The following BOP1 variants were observed in gnomAD, a reference collection of about 807,000 sequenced individuals.
BOP1 encodes the protein ribosome biogenesis protein BOP1.
In BOP1, 54 loss-of-function variants were observed where a neutral mutation model predicts 82.9. The ratio of observed to expected loss-of-function variants is 0.65; its 90% confidence interval spans 0.52 to 0.82. The LOEUF (loss-of-function observed/expected upper bound fraction) is 0.82. BOP1 is among the 40% of genes least tolerant of loss of function. The pLI is 0.00. For synonymous variants in BOP1, 566 were observed against 451.1 expected (o/e 1.25, Z -3.23); for missense variants, 1,170 against 1,072.0 (o/e 1.09, Z -1.28).
At chr8:144,283,878 G>A (rs1396644796) in intron 2 of BOP1, among the ~76,000 whole-genome samples, 10 of 152,160 alleles carry the variant, frequency 6.6e-5, no homozygotes, top group Non-Finnish European at 1.2e-4. Context: ...AGCACTTCAG[G>A]AGGCCAAGAC....
intron 2 of BOP1, among the ~76,000 whole-genome samples, 163 bp downstream of exon 2, chr8:144,288,932 C>T (rs974707518): frequency 1.3e-5 from 2 of 152,238 alleles, no homozygotes; most frequent in African/African-American, 4.8e-5. Flanking sequence ...GGGATGGAAA[C>T]CAGCGTCCTA....
chr8:144,282,902 A>G (rs1447182024), intron 2 of BOP1, among the ~76,000 whole-genome samples: 17 of 152,086 alleles, frequency 1.1e-4, no homozygotes, highest in African/African-American at 3.9e-4. Context: ...GAAAGGCACT[A>G]TGGTGGCCAG....
chr8:144,267,873 G>A (rs1218669842), intron 3 of BOP1, among the ~76,000 whole-genome samples: 1 of 152,234 alleles, frequency 6.6e-6, no homozygotes, highest in Non-Finnish European at 1.5e-5. Flanking sequence ...TTCCTCTCCA[G>A]ACAGCACGCG....
At chr8:144,268,140 T>C in intron 3 of BOP1, 1 of 1,551,402 alleles carries the variant, frequency 6.4e-7, no homozygotes, top group East Asian at 2.4e-5. Context: ...GATTCGCAGT[T>C]AGGAGGTGGC....
In BOP1 at chr8:144,263,117, C is replaced by G; in HGVS notation, c.1630G>C (p.Gly544Arg). 6.3e-7 allele frequency: 1 copy of G among 1,593,610 alleles called. No individual in the cohort carries two copies. Among genetic ancestry groups the G allele is most frequent in the Non-Finnish European group, 8.5e-7 (1 of 1,178,762 alleles). The change falls in exon 13 of 16, where the codon GGG (glycine) becomes CGG (arginine). Residue 544 changes from glycine (G) to arginine (R), a missense_variant. By Grantham distance (125) the Gly-to-Arg change is moderately radical (BLOSUM62 -2). Coordinates refer to ENST00000569669, the MANE Select transcript of BOP1 (RefSeq NM_015201.5). ...GKPVTQVTWHGRGDYLAVVLA... is the reference protein window; with the variant it reads ...GKPVTQVTWHRRGDYLAVVLA... ...ACCACGGCCAGGTAGTCCCCACGCCCGTGCCAGGTCACCTGCGTCACTGGC... is the reference window on the plus strand; with the variant it reads ...ACCACGGCCAGGTAGTCCCCACGCCGGTGCCAGGTCACCTGCGTCACTGGC...
intron 3 of BOP1, among the ~76,000 whole-genome samples, chr8:144,267,603 A>G (rs1224156733): frequency 6.6e-6 from 1 of 152,232 alleles, no homozygotes; most frequent in East Asian, 1.9e-4. Flanking sequence ...GCGGCCCAGC[A>G]CTGGCTTAAG....
rs1218596271 is a variant in BOP1, at chr8:144,263,039, G to A, written c.1708C>T (p.Arg570Cys). Residue 570 changes from arginine (R) to cysteine (C), a missense_variant, in exon 13 of 16, where the codon CGC becomes TGC. Physicochemically the swap from Arg to Cys is radical, Grantham distance 180. Coordinates refer to ENST00000569669, the MANE Select transcript of BOP1 (RefSeq NM_015201.5). ...QVLIHQLSRR[R>C]SQSPFRRSHG... ...CTGCGGCGGAACGGACTCTGGCTGCGGCGACGGCTCAGCTGGTGAATCAGC... is the reference window on the plus strand; with the variant it reads ...CTGCGGCGGAACGGACTCTGGCTGCAGCGACGGCTCAGCTGGTGAATCAGC... 1.9e-5 allele frequency: 30 copies of A among 1,572,614 alleles called. No individual in the cohort carries two copies. The highest frequency in any genetic ancestry group is 5.7e-5 in the South Asian group (5 of 87,608).
rs1035892665 is a variant in BOP1 at position 144,263,844 on chromosome 8, G to A, written c.1208C>T (p.Thr403Met). The change falls in exon 9 of 16, where the codon ACG becomes ATG. Residue 403 changes from threonine to methionine, a missense_variant. By Grantham distance (81) the Thr-to-Met change is moderately conservative. Coordinates refer to ENST00000569669, the MANE Select transcript of BOP1 (RefSeq NM_015201.5). ...GTCTCCACTTACCAGGGCCTGGCAC[G>A]TGGGGAAGGGCTGCAGGTCCCTCGG... ...PRPRDLQPFP[T>M]CQALVYRGHS... 222 of 1,611,262 alleles carry A rather than the reference G, an allele frequency of 1.4e-4. No homozygotes were observed. Among genetic ancestry groups the A allele is most frequent in the Non-Finnish European group, 1.8e-4 (207 of 1,179,678 alleles).
chr8:144,266,640 G>A (rs1163564636), intron 3 of BOP1: 13 of 1,238,642 alleles, frequency 1.0e-5, no homozygotes, highest in African/African-American at 3.3e-5. Context: ...TGCGCCCGGC[G>A]CCGCCGGGCC....
chr8:144,273,378 C>T lies in BOP1; in HGVS notation c.390+2846G>A, dbSNP rs1554838024. On this transcript the variant is annotated intron_variant, in intron 3 of 15. Transcript: ENST00000569669. ...AGGAGCTGCCAGGCTGCACCCCAGC[C>T]CCAGACTCCAGACTCCAGTGGAGGC... is the stretch of plus-strand genomic sequence containing the variant. Among the ~76,000 whole-genome samples, 142 of 102,430 alleles carry T rather than the reference C, an allele frequency of 1.4e-3. 2 individuals are homozygous for T. The highest frequency in any genetic ancestry group is 4.8e-3 in the African/African-American group (130 of 27,056). 67.2% of individuals were successfully genotyped at this position (102,430 alleles called of 152,430 possible). A position where few individuals can be genotyped will look rare whatever the true frequency, so the allele number is the denominator to read the frequency against.
chr8:144,287,051 C>T (rs1240683807), intron 2 of BOP1, among the ~76,000 whole-genome samples: 1 of 152,258 alleles, frequency 6.6e-6, no homozygotes, highest in African/African-American at 2.4e-5. Flanking sequence ...ACTCTGTCAC[C>T]CAGACTGGAG....
At chr8:144,290,750 C>T (rs116804507) in intron 1 of BOP1, among the ~76,000 whole-genome samples, 1 of 152,136 alleles carries the variant, frequency 6.6e-6, no homozygotes, top group African/African-American at 2.4e-5. Context: ...CGGCCGCGGC[C>T]GAGGGGGCTG....
Position 144,263,976 on chromosome 8 carries a change from C to T in BOP1, c.1140+5G>A. ...CCACCCCCCTGGTGTGCCACCCCCA[C>T]ACACCCTCATCTTGCGCTGCCGTGG... On this transcript the variant is annotated splice_donor_5th_base_variant and intron_variant, in intron 8 of 15. Coordinates refer to ENST00000569669, the MANE Select transcript of BOP1 (RefSeq NM_015201.5). 6.2e-7 allele frequency: 1 copy of T among 1,610,790 alleles called. No individual in the cohort carries two copies. The highest frequency in any genetic ancestry group is 8.5e-7 in the Non-Finnish European group (1 of 1,179,714).
intron 3 of BOP1, among the ~76,000 whole-genome samples, chr8:144,275,888 G>A (rs1407560353): frequency 2.3e-5 from 3 of 131,874 alleles, no homozygotes; most frequent in South Asian, 2.8e-4. Context: ...GACCATGCAC[G>A]CCACGCCCAG....
intron 3 of BOP1, among the ~76,000 whole-genome samples, chr8:144,271,111 C>T (rs1845485447): frequency 6.6e-6 from 1 of 151,962 alleles, no homozygotes; most frequent in Non-Finnish European, 1.5e-5. Flanking sequence ...CACACAGACC[C>T]AGCATCAGGG....
intron 3 of BOP1, among the ~76,000 whole-genome samples, chr8:144,272,773 CT>C (rs1845511370): frequency 6.6e-6 from 1 of 152,202 alleles, no homozygotes; most frequent in African/African-American, 2.4e-5. Flanking sequence ...TTCCCTGCCC[CT>C]CATCACTGAC....
intron 3 of BOP1, among the ~76,000 whole-genome samples, chr8:144,275,198 C>T (rs1845550416): frequency 6.6e-6 from 1 of 152,078 alleles, no homozygotes; most frequent in Admixed American, 6.5e-5. Context: ...GGCCCTACAC[C>T]AAAGCCTTCT....
At chr8:144,268,904 G>A (rs538534979) in intron 3 of BOP1, among the ~76,000 whole-genome samples, 2 of 152,104 alleles carry the variant, frequency 1.3e-5, no homozygotes, top group Non-Finnish European at 2.9e-5. Flanking sequence ...GGGCGCTGCA[G>A]GTGGCCACAA....
At chr8:144,281,643 C>T (rs143786762) in intron 2 of BOP1, 6 of 152,286 alleles carry the variant, frequency 3.9e-5, no homozygotes, top group African/African-American at 9.7e-5. Context: ...AATACTAGGT[C>T]TTAGGCCTTC....
Sources: gnomAD v4.1 joint callset for allele counts (sites outside exome capture counted in the v4.1 genomes callset) on GRCh38, gnomAD v4.1.1 for gene constraint, MANE v1.5 for transcripts, NCBI Gene and HGNC (gene_info 2026-07-23, HGNC 2026-07-21) for gene names.